Variants in MGAT4C observed in about 807,000 individuals in gnomAD.
MGAT4C encodes MGAT4 family member C.
Under a neutral mutation model 40.1 loss-of-function variants are expected in MGAT4C, and 19 were observed. That is an observed-to-expected ratio of 0.47 (90% CI 0.33 to 0.70). The LOEUF is 0.70. Ranked by LOEUF, MGAT4C falls within the 30% of genes least tolerant of loss-of-function variation. The pLI is 0.02. For missense variants in MGAT4C, 491 were observed against 563.2 expected, an observed-to-expected ratio of 0.87 and a Z score of 1.30; for synonymous variants, 181 against 187.1, an observed-to-expected ratio of 0.97 and a Z score of 0.27.
intron 4 of MGAT4C, among the ~76,000 whole-genome samples, chr12:86,323,840 C>G (rs1954458345): frequency 1.3e-5 from 2 of 151,856 alleles, no homozygotes; most frequent in East Asian, 3.9e-4. Flanking sequence ...TCAAGAACTA[C>G]CTAAAGCTAC....
intron 1 of MGAT4C, among the ~76,000 whole-genome samples, chr12:86,789,752 CATA>C (rs972102536): frequency 1.4e-4 from 21 of 152,186 alleles, no homozygotes; most frequent in East Asian, 9.6e-4. Flanking sequence ...AGATGATAAA[CATA>C]ATGAGAGCAG....
intron 4 of MGAT4C, among the ~76,000 whole-genome samples, chr12:86,288,676 G>A (rs1242926143): frequency 6.6e-6 from 1 of 152,006 alleles, no homozygotes; most frequent in Non-Finnish European, 1.5e-5. Context: ...ATCATGTGGA[G>A]CATTTTTAGT....
At chr12:86,730,848 G>T (rs768352805) in intron 1 of MGAT4C, among the ~76,000 whole-genome samples, 1 of 151,968 alleles carries the variant, frequency 6.6e-6, no homozygotes, top group Non-Finnish European at 1.5e-5. Context: ...TATTATAACC[G>T]CTATTAACAA....
intron 2 of MGAT4C, among the ~76,000 whole-genome samples, chr12:86,024,950 C>A (rs1177981837): frequency 5.3e-5 from 8 of 151,256 alleles, no homozygotes; most frequent in Admixed American, 2.6e-4. Flanking sequence ...TAGGATTAAA[C>A]CTTGTTATAT....
At chr12:86,414,441 C>T (rs1325694764) in intron 3 of MGAT4C, among the ~76,000 whole-genome samples, 7 of 152,102 alleles carry the variant, frequency 4.6e-5, no homozygotes, top group Non-Finnish European at 7.4e-5. Context: ...CTCATAAGAA[C>T]AATTTCAAGT....
chr12:86,388,955 A>T (rs569845318), intron 3 of MGAT4C, among the ~76,000 whole-genome samples: 1 of 152,114 alleles, frequency 6.6e-6, no homozygotes, highest in East Asian at 1.9e-4. Context: ...AAGTGCTGAG[A>T]TTACAGGCCT....
chr12:86,562,086 G>A (rs946888727), intron 2 of MGAT4C, among the ~76,000 whole-genome samples: 3 of 152,134 alleles, frequency 2.0e-5, no homozygotes, highest in African/African-American at 4.8e-5. Context: ...CGAATATAAT[G>A]ACATTGGTTG....
chr12:86,080,384 T>C (rs1360861396), intron 1 of MGAT4C, among the ~76,000 whole-genome samples: 1 of 152,176 alleles, frequency 6.6e-6, no homozygotes, highest in Non-Finnish European at 1.5e-5. Flanking sequence ...TTCTTTATAT[T>C]TTTAGCTTTT....
intron 1 of MGAT4C, among the ~76,000 whole-genome samples, chr12:86,070,223 C>A (rs576443053): frequency 1.3e-5 from 2 of 151,982 alleles, no homozygotes; most frequent in Non-Finnish European, 2.9e-5. Flanking sequence ...ATTTCTCCCT[C>A]CAAACAGGCA....
At chr12:86,366,488 A>G (rs1342329552) in intron 3 of MGAT4C, among the ~76,000 whole-genome samples, 1 of 152,190 alleles carries the variant, frequency 6.6e-6, no homozygotes, top group Admixed American at 6.5e-5. Flanking sequence ...CCAAAAACCT[A>G]TGTTCTCAGT....
chr12:86,340,758 AAT>A (rs1285137183), intron 3 of MGAT4C, among the ~76,000 whole-genome samples: 1 of 152,136 alleles, frequency 6.6e-6, no homozygotes, highest in Non-Finnish European at 1.5e-5. Flanking sequence ...TACACAGTGG[AAT>A]AACCAAATAG....
intron 1 of MGAT4C, among the ~76,000 whole-genome samples, chr12:86,097,929 A>G (rs1307776106): frequency 6.6e-6 from 1 of 151,618 alleles, no homozygotes; most frequent in Non-Finnish European, 1.5e-5. Context: ...TTCCAAGATA[A>G]TGCTAATGAG....
At chr12:86,802,229 G>C (rs182925699) in intron 1 of MGAT4C, among the ~76,000 whole-genome samples, 1 of 151,898 alleles carries the variant, frequency 6.6e-6, no homozygotes, top group East Asian at 1.9e-4. Flanking sequence ...TCAGTACCTG[G>C]GTTAAATGGG....
chr12:86,348,981 GAACCACACCT>G (rs1381632410), intron 3 of MGAT4C, among the ~76,000 whole-genome samples: 2 of 152,032 alleles, frequency 1.3e-5, no homozygotes, highest in Non-Finnish European at 2.9e-5. Flanking sequence ...TTAAAAAGAT[GAACCACACCT>G]ACTGACTAAA....
intron 2 of MGAT4C, among the ~76,000 whole-genome samples, chr12:86,632,899 A>T (rs1190780859): frequency 6.6e-6 from 1 of 152,168 alleles, no homozygotes; most frequent in African/African-American, 2.4e-5. Context: ...TAGAATTTAA[A>T]GTATAATAAA....
intron 1 of MGAT4C, among the ~76,000 whole-genome samples, chr12:86,775,556 G>A (rs1951734698): frequency 6.6e-6 from 1 of 151,338 alleles, no homozygotes; most frequent in South Asian, 2.1e-4. Context: ...AGACATATGA[G>A]CAAATAAATA....
At chr12:86,018,443 C>G (rs1203361601) in intron 2 of MGAT4C, among the ~76,000 whole-genome samples, 1 of 152,138 alleles carries the variant, frequency 6.6e-6, no homozygotes, top group Non-Finnish European at 1.5e-5. Context: ...ATCTGACTTG[C>G]TTTCCTTGCT....
At chr12:85,991,711 T>C (rs886929049) in intron 2 of MGAT4C, among the ~76,000 whole-genome samples, 1 of 152,170 alleles carries the variant, frequency 6.6e-6, no homozygotes, top group African/African-American at 2.4e-5. Context: ...GAACTCAGTG[T>C]CTGGGCATGG....
At chr12:86,341,193 C>G (rs1954897949) in intron 3 of MGAT4C, among the ~76,000 whole-genome samples, 1 of 152,162 alleles carries the variant, frequency 6.6e-6, no homozygotes, top group African/African-American at 2.4e-5. Flanking sequence ...AACATGGAGT[C>G]AGGGGATCCT....
Sources: allele counts gnomAD v4.1 joint callset (sites outside exome capture counted in the v4.1 genomes callset), GRCh38; gene constraint gnomAD v4.1.1; transcripts MANE v1.5; gene names NCBI Gene and HGNC (gene_info 2026-07-23, HGNC 2026-07-21).